Variants in BANK1 observed in about 807,000 individuals in gnomAD.
BANK1 encodes the protein B-cell scaffold protein with ankyrin repeats.
BANK1 carries 95 observed loss-of-function variants against 94.5 expected under a neutral mutation model. The observed-to-expected ratio is 1.00, with a 90% CI of 0.85 to 1.19. The LOEUF (loss-of-function observed/expected upper bound fraction) is 1.19. Ranked by LOEUF, BANK1 falls within the 50% of genes most tolerant of loss-of-function variation. BANK1 has a pLI of 0.00. For synonymous variants in BANK1, 334 were observed against 308.4 expected (o/e 1.08, Z -0.87); for missense variants, 987 against 932.2 (o/e 1.06, Z -0.77).
At chr4:102,060,835 G>A (rs889566631) in intron 12 of BANK1, among the ~76,000 whole-genome samples, 3 of 151,876 alleles carry the variant, frequency 2.0e-5, no homozygotes, top group Non-Finnish European at 2.9e-5. Flanking sequence ...TTTTATATAC[G>A]TACACATACA....
At chr4:102,019,614 C>T (rs1726821467) in intron 7 of BANK1, among the ~76,000 whole-genome samples, 1 of 152,178 alleles carries the variant, frequency 6.6e-6, no homozygotes, top group Non-Finnish European at 1.5e-5. Flanking sequence ...TACTCCATCA[C>T]ACAGCCAAGG....
intron 8 of BANK1, 107 bp from the exon 9 acceptor site, chr4:102,025,094 A>G (rs1224162855): frequency 1.1e-5 from 13 of 1,212,648 alleles, no homozygotes; most frequent in Middle Eastern, 2.0e-4. Flanking sequence ...ATATCAGGTC[A>G]TAAAAGTTTT....
At chr4:101,868,461 C>A (rs1050592507) in intron 4 of BANK1, among the ~76,000 whole-genome samples, 1 of 151,864 alleles carries the variant, frequency 6.6e-6, no homozygotes, top group Admixed American at 6.6e-5. Context: ...CAGAGTGTCA[C>A]AATATGTAAA....
intron 8 of BANK1, 40 bp downstream of exon 8, chr4:102,021,632 T>C: frequency 2.4e-6 from 2 of 818,970 alleles, no homozygotes; most frequent in Non-Finnish European, 3.5e-6. Context: ...GACATATTCA[T>C]ATATATATCA....
chr4:101,850,040 T>C (rs1171245047), intron 2 of BANK1, among the ~76,000 whole-genome samples: 5 of 152,238 alleles, frequency 3.3e-5, no homozygotes, highest in Non-Finnish European at 5.9e-5. Flanking sequence ...AAGAGCTGTC[T>C]ACAAATAGTT....
At chr4:101,799,773 C>T (rs1725292473) in intron 1 of BANK1, among the ~76,000 whole-genome samples, 1 of 152,056 alleles carries the variant, frequency 6.6e-6, no homozygotes. Context: ...ACTTGGGAGG[C>T]TGAGGCAGGA....
intron 7 of BANK1, among the ~76,000 whole-genome samples, chr4:101,963,184 C>T (rs963459713): frequency 1.3e-5 from 2 of 152,034 alleles, no homozygotes; most frequent in Non-Finnish European, 2.9e-5. Flanking sequence ...TTAGGCATAT[C>T]CCCTCCTATT....
intron 10 of BANK1, among the ~76,000 whole-genome samples, chr4:102,034,433 T>A (rs1727431013): frequency 6.6e-6 from 1 of 152,212 alleles, no homozygotes; most frequent in Admixed American, 6.5e-5. Context: ...TCAAAGATTT[T>A]TAATCTCTAA....
chr4:102,048,408 T>C (rs1727950383), intron 11 of BANK1, among the ~76,000 whole-genome samples: 1 of 152,156 alleles, frequency 6.6e-6, no homozygotes, highest in South Asian at 2.1e-4. Flanking sequence ...ACCATATTTC[T>C]CTAAACTGTT....
intron 6 of BANK1, 38 bp downstream of exon 6, chr4:101,895,448 C>A (rs1560621359): frequency 1.6e-6 from 2 of 1,230,474 alleles, no homozygotes; most frequent in South Asian, 2.5e-5. Flanking sequence ...TTCTTTTTAT[C>A]ACATTCCATT....
At position 102,025,718 on chromosome 4, in the gene BANK1, G is replaced by A. The variant is rs183512504; in HGVS notation, c.1594+209G>A. On this transcript the variant is annotated intron_variant, in intron 9 of 16. Transcript: ENST00000322953. ...TTGTTCTTTTGTTTCTTATTTCCTT[G>A]CTTCCTTCCTTCCTTCCTCCCTCCC... 8.6e-5 allele frequency among the ~76,000 whole-genome samples: 13 copies of A among 151,880 alleles called. No homozygotes were observed. The East Asian group carries it at 2.5e-3, about 29-fold the overall frequency.
At position 102,074,054 on chromosome 4, in the gene BANK1, A is replaced by G. The variant is rs1221703262; in HGVS notation, c.*55A>G. The G allele has an allele frequency of 4.8e-6, 1 of 207,350 alleles. No individual in the cohort carries two copies. Among genetic ancestry groups the G allele is most frequent in the Non-Finnish European group, 9.5e-6 (1 of 104,834 alleles). 12.8% of individuals were successfully genotyped at this position (207,350 alleles called of 1,614,324 possible). ...CTACGGACATTTTGCTTTCAGGGTG[A>G]AGCAAGCTTGAATTTGGATTGCCTG... is the stretch of plus-strand genomic sequence containing the variant. On this transcript the variant is annotated 3_prime_UTR_variant, in exon 17 of 17. Coordinates refer to ENST00000322953, the MANE Select transcript of BANK1 (RefSeq NM_017935.5).
At chr4:101,801,140 G>A (rs1362956300) in intron 1 of BANK1, among the ~76,000 whole-genome samples, 1 of 152,112 alleles carries the variant, frequency 6.6e-6, no homozygotes, top group Non-Finnish European at 1.5e-5. Flanking sequence ...TGGCTGTTGA[G>A]GACTTAAAAT....
chr4:102,028,592 C>T (rs989304725), intron 9 of BANK1, among the ~76,000 whole-genome samples: 2 of 151,954 alleles, frequency 1.3e-5, no homozygotes, highest in African/African-American at 4.8e-5. Context: ...ATCAGATTCT[C>T]GAAGGGCAAA....
intron 7 of BANK1, among the ~76,000 whole-genome samples, chr4:102,003,808 C>T (rs1726155149): frequency 6.6e-6 from 1 of 151,522 alleles, no homozygotes; most frequent in South Asian, 2.1e-4. Flanking sequence ...ATATATATTT[C>T]ACATGCATAT....
intron 1 of BANK1, among the ~76,000 whole-genome samples, chr4:101,825,496 G>T (rs962556738): frequency 6.6e-6 from 1 of 151,992 alleles, no homozygotes; most frequent in African/African-American, 2.4e-5. Flanking sequence ...ACACAACTTA[G>T]CTTCATATGA....
intron 11 of BANK1, among the ~76,000 whole-genome samples, chr4:102,046,716 G>GCCACAGAAACATCTT (rs751505290): frequency 1.3e-5 from 2 of 152,144 alleles, no homozygotes; most frequent in Non-Finnish European, 2.9e-5. Context: ...GAAAACTGTA[G>GCCACAGAAACATCTT]CCACAGAAAC....
intron 7 of BANK1, among the ~76,000 whole-genome samples, chr4:102,006,365 C>A (rs552581994): frequency 2.0e-5 from 3 of 152,082 alleles, no homozygotes; most frequent in African/African-American, 7.2e-5. Context: ...TCTAGAGATT[C>A]TAACTTAATT....
At chr4:102,013,148 T>C (rs529077782) in intron 7 of BANK1, among the ~76,000 whole-genome samples, 25 of 152,244 alleles carry the variant, frequency 1.6e-4, no homozygotes, top group Middle Eastern at 3.4e-3. Flanking sequence ...CACCCCGTTG[T>C]TATAGGGATA....
Sources: allele counts gnomAD v4.1 joint callset (sites outside exome capture counted in the v4.1 genomes callset), GRCh38; gene constraint gnomAD v4.1.1; transcripts MANE v1.5; gene names NCBI Gene and HGNC (gene_info 2026-07-23, HGNC 2026-07-21).